CNTNAP2: variants seen among roughly 807,000 people sequenced by gnomAD.
The protein encoded by CNTNAP2 is contactin-associated protein-like 2.
Under a neutral mutation model 155.2 loss-of-function variants are expected in CNTNAP2, and 98 were observed. The observed-to-expected ratio is 0.63, with a 90% confidence interval of 0.54 to 0.75. The LOEUF (loss-of-function observed/expected upper bound fraction) is 0.75. CNTNAP2 is among the 30% of genes least tolerant of loss of function. The pLI is 0.00. For synonymous variants in CNTNAP2, 651 were observed against 631.2 expected (o/e 1.03, Z -0.47); for missense variants, 1,727 against 1,688.1 (o/e 1.02, Z -0.40).
intron 3 of CNTNAP2, among the ~76,000 whole-genome samples, chr7:146,920,845 A>G (rs755169002): frequency 9.9e-5 from 15 of 152,196 alleles, no homozygotes; most frequent in Non-Finnish European, 1.6e-4. Context: ...CTAATTTTGC[A>G]TAAAAGTGAC....
intron 15 of CNTNAP2, among the ~76,000 whole-genome samples, chr7:147,988,019 T>TGAGA (rs1162376887): frequency 6.6e-6 from 1 of 152,152 alleles, no homozygotes; most frequent in African/African-American, 2.4e-5. Flanking sequence ...TAGAGAGGTA[T>TGAGA]GAGACATCAA....
intron 3 of CNTNAP2, among the ~76,000 whole-genome samples, chr7:146,911,300 T>C (rs1408287862): frequency 2.0e-5 from 3 of 152,106 alleles, no homozygotes; most frequent in Non-Finnish European, 4.4e-5. Flanking sequence ...GCCATCCTAT[T>C]ACTGGGTATA....
intron 12 of CNTNAP2, among the ~76,000 whole-genome samples, chr7:147,635,901 A>G (rs1171119521): frequency 2.6e-5 from 4 of 151,998 alleles, no homozygotes; most frequent in Non-Finnish European, 4.4e-5. Context: ...GATTTGTGAG[A>G]AAAAAAATAA....
chr7:147,462,263 T>A (rs1210404376), intron 10 of CNTNAP2, among the ~76,000 whole-genome samples: 1 of 152,160 alleles, frequency 6.6e-6, no homozygotes, highest in Non-Finnish European at 1.5e-5. Context: ...CGAAAACACT[T>A]CCTGCATTGC....
intron 8 of CNTNAP2, among the ~76,000 whole-genome samples, chr7:147,250,325 C>T (rs757657816): frequency 6.6e-5 from 10 of 152,014 alleles, no homozygotes; most frequent in Non-Finnish European, 1.5e-4. Flanking sequence ...AGAGAACCTG[C>T]CCCTTTTTGG....
At chr7:147,824,167 G>T (rs1384026919) in intron 13 of CNTNAP2, among the ~76,000 whole-genome samples, 1 of 152,180 alleles carries the variant, frequency 6.6e-6, no homozygotes, top group East Asian at 1.9e-4. Flanking sequence ...GTTTAACTGT[G>T]TAGTCTCTCC....
At chr7:148,234,929 G>A (rs2116788071) in intron 20 of CNTNAP2, among the ~76,000 whole-genome samples, 1 of 152,290 alleles carries the variant, frequency 6.6e-6, no homozygotes, top group South Asian at 2.1e-4. Context: ...TGGTAAGGAT[G>A]TATCATTTTG....
intron 21 of CNTNAP2, among the ~76,000 whole-genome samples, chr7:148,342,690 C>T (rs1026626163): frequency 6.6e-6 from 1 of 152,224 alleles, no homozygotes; most frequent in African/African-American, 2.4e-5. Flanking sequence ...AAGCTCAACA[C>T]TGACCTTCAT....
chr7:146,355,073 G>A (rs1794978036), intron 1 of CNTNAP2, among the ~76,000 whole-genome samples: 1 of 152,154 alleles, frequency 6.6e-6, no homozygotes. Flanking sequence ...CTAAAAATAA[G>A]TAAGGTAAAA....
chr7:146,643,667 C>T (rs1157773219), intron 1 of CNTNAP2, among the ~76,000 whole-genome samples: 1 of 152,070 alleles, frequency 6.6e-6, no homozygotes, highest in Non-Finnish European at 1.5e-5. Context: ...TCCATATGAA[C>T]TTTAAAATAG....
intron 21 of CNTNAP2, among the ~76,000 whole-genome samples, chr7:148,339,895 A>G (rs1798198047): frequency 6.6e-6 from 1 of 152,036 alleles, no homozygotes; most frequent in African/African-American, 2.4e-5. Flanking sequence ...TCGAAGCACT[A>G]CCAAGTCTAC....
chr7:147,999,415 A>T (rs1276545726), intron 15 of CNTNAP2, among the ~76,000 whole-genome samples: 1 of 152,202 alleles, frequency 6.6e-6, no homozygotes, highest in East Asian at 1.9e-4. Context: ...AAAGCTACTC[A>T]TTTTAGACAA....
chr7:147,246,952 A>G (rs1421161452), intron 8 of CNTNAP2, among the ~76,000 whole-genome samples: 1 of 152,198 alleles, frequency 6.6e-6, no homozygotes, highest in Non-Finnish European at 1.5e-5. Context: ...AAACCCAACA[A>G]AAAAGTTTCT....
intron 15 of CNTNAP2, among the ~76,000 whole-genome samples, chr7:148,034,830 AGTT>A (rs1278246280): frequency 2.6e-5 from 4 of 152,194 alleles, no homozygotes; most frequent in East Asian, 1.9e-4. Flanking sequence ...GAGATTACTA[AGTT>A]GTTGTGATCA....
At chr7:147,285,558 A>T (rs970324788) in intron 8 of CNTNAP2, among the ~76,000 whole-genome samples, 1 of 151,996 alleles carries the variant, frequency 6.6e-6, no homozygotes, top group South Asian at 2.1e-4. Context: ...CTAAATTGTC[A>T]TTATTTTCAT....
At chr7:147,423,259 A>C (rs2116512663) in intron 10 of CNTNAP2, among the ~76,000 whole-genome samples, 1 of 151,814 alleles carries the variant, frequency 6.6e-6, no homozygotes, top group Non-Finnish European at 1.5e-5. Context: ...TGAAAGTCAT[A>C]GAATTTAATT....
At chr7:146,313,628 C>T (rs1800862288) in intron 1 of CNTNAP2, among the ~76,000 whole-genome samples, 1 of 152,148 alleles carries the variant, frequency 6.6e-6, no homozygotes. Context: ...CAGACCAAAG[C>T]TGTGGAGATC....
At chr7:146,977,267 GAC>G (rs1194214063) in intron 3 of CNTNAP2, among the ~76,000 whole-genome samples, 2 of 152,036 alleles carry the variant, frequency 1.3e-5, no homozygotes, top group South Asian at 4.1e-4. Context: ...ACAACATAGA[GAC>G]ACACACACAT....
chr7:146,407,357 T>A (rs778604991), intron 1 of CNTNAP2, among the ~76,000 whole-genome samples: 3 of 152,196 alleles, frequency 2.0e-5, no homozygotes, highest in Non-Finnish European at 4.4e-5. Context: ...GTAGGTGGTG[T>A]CATGCTGTTA....
Sources: allele counts gnomAD v4.1 joint callset (sites outside exome capture counted in the v4.1 genomes callset), GRCh38; gene constraint gnomAD v4.1.1; transcripts MANE v1.5; gene names NCBI Gene and HGNC (gene_info 2026-07-23, HGNC 2026-07-21).